The following AUTS2 variants were observed in gnomAD, a reference collection of about 807,000 sequenced individuals.
AUTS2 encodes the protein activator of transcription and developmental regulator AUTS2, also known as autism susceptibility gene 2 protein.
AUTS2 carries 17 observed loss-of-function variants against 112.4 expected under a neutral mutation model. The ratio of observed to expected loss-of-function variants is 0.15; its 90% CI spans 0.10 to 0.23. The LOEUF (loss-of-function observed/expected upper bound fraction) is 0.23. Ranked by LOEUF, AUTS2 falls within the 10% of genes least tolerant of loss-of-function variation. AUTS2 has a pLI of 1.00. For missense variants in AUTS2, 1,510 were observed against 1,701.6 expected (o/e 0.89, Z 1.98); for synonymous variants, 751 against 702.7 (o/e 1.07, Z -1.09).
intron 1 of AUTS2, among the ~76,000 whole-genome samples, chr7:69,874,565 G>T (rs973910956): frequency 1.3e-5 from 2 of 152,188 alleles, no homozygotes; most frequent in African/African-American, 4.8e-5. Flanking sequence ...CTGAATTAAG[G>T]TAGTAGCAGT....
At chr7:69,932,891 A>G (rs1318713349) in intron 2 of AUTS2, among the ~76,000 whole-genome samples, 3 of 152,238 alleles carry the variant, frequency 2.0e-5, no homozygotes, top group Non-Finnish European at 4.4e-5. Flanking sequence ...TGGGATGCAG[A>G]ATAGAAGCTT....
At chr7:70,625,131 C>A (rs1804870815) in intron 5 of AUTS2, among the ~76,000 whole-genome samples, 1 of 152,086 alleles carries the variant, frequency 6.6e-6, no homozygotes, top group Admixed American at 6.5e-5. Context: ...CAGCACTCAC[C>A]ACAGTAGCAA....
intron 4 of AUTS2, among the ~76,000 whole-genome samples, chr7:70,193,630 G>GCAA (rs1810019536): frequency 6.6e-6 from 1 of 152,198 alleles, no homozygotes; most frequent in African/African-American, 2.4e-5. Flanking sequence ...GATTTTTGCA[G>GCAA]CAACAAGACA....
In AUTS2 at chr7:70,791,018, G is replaced by C; in HGVS notation, c.*22G>C. Reference sequence around the variant, plus strand: ...ATAAGCCGAGAACAGGAGCAAGAACGAGGAAGAAGAAACCCTAGGCAGACA... The same window carrying C: ...ATAAGCCGAGAACAGGAGCAAGAACCAGGAAGAAGAAACCCTAGGCAGACA... On this transcript the variant is annotated 3_prime_UTR_variant, in exon 19 of 19. Coordinates refer to ENST00000342771, the MANE Select transcript of AUTS2 (RefSeq NM_015570.4). 1 of 1,476,152 alleles carries C rather than the reference G, an allele frequency of 6.8e-7. No individual in the cohort carries two copies. Among genetic ancestry groups the C allele is most frequent in the Non-Finnish European group, 9.0e-7 (1 of 1,116,820 alleles). 91.4% of individuals were successfully genotyped at this position (1,476,152 alleles called of 1,614,324 possible). A position where few individuals can be genotyped will look rare whatever the true frequency, so the allele number is the denominator to read the frequency against.
At chr7:70,267,940 G>A (rs1787515391) in intron 4 of AUTS2, among the ~76,000 whole-genome samples, 1 of 152,106 alleles carries the variant, frequency 6.6e-6, no homozygotes, top group South Asian at 2.1e-4. Flanking sequence ...TATTGCCTTG[G>A]TTATCTTTAA....
intron 1 of AUTS2, among the ~76,000 whole-genome samples, chr7:69,877,132 A>C (rs1291339117): frequency 1.3e-5 from 2 of 152,166 alleles, no homozygotes; most frequent in Admixed American, 6.5e-5. Flanking sequence ...TTGGTTTCAG[A>C]GAGCATCCTT....
chr7:70,203,174 T>A (rs1372687602), intron 4 of AUTS2, among the ~76,000 whole-genome samples: 5 of 111,592 alleles, frequency 4.5e-5, no homozygotes, highest in African/African-American at 1.8e-4. Flanking sequence ...AAGGGGAATA[T>A]CACACTCTGG....
At chr7:69,882,141 A>G (rs558428177) in intron 1 of AUTS2, among the ~76,000 whole-genome samples, 1 of 123,640 alleles carries the variant, frequency 8.1e-6, no homozygotes, top group African/African-American at 3.3e-5. Flanking sequence ...CAAGAGCGAA[A>G]CTCTGTCTCA....
chr7:70,158,701 C>CACGT (rs1807914789), intron 4 of AUTS2, among the ~76,000 whole-genome samples: 1 of 151,858 alleles, frequency 6.6e-6, no homozygotes, highest in African/African-American at 2.4e-5. Context: ...ACCTCTGGTG[C>CACGT]ACGTGATCCA....
chr7:70,750,279 G>A (rs1266732438), intron 6 of AUTS2, among the ~76,000 whole-genome samples: 3 of 152,070 alleles, frequency 2.0e-5, no homozygotes, highest in Non-Finnish European at 4.4e-5. Context: ...GTATGTGTGT[G>A]TAGGGCCAGA....
At chr7:70,090,380 T>C (rs1803849936) in intron 2 of AUTS2, among the ~76,000 whole-genome samples, 1 of 152,040 alleles carries the variant, frequency 6.6e-6, no homozygotes, top group South Asian at 2.1e-4. Flanking sequence ...TTTTTTTTTC[T>C]TGAGACGAAG....
chr7:70,186,588 G>A (rs1307948402), intron 4 of AUTS2, among the ~76,000 whole-genome samples: 1 of 151,970 alleles, frequency 6.6e-6, no homozygotes, highest in African/African-American at 2.4e-5. Context: ...TTAATTTTTT[G>A]AGATGGAGTC....
At chr7:69,872,252 G>T (rs1367356796) in intron 1 of AUTS2, among the ~76,000 whole-genome samples, 1 of 152,200 alleles carries the variant, frequency 6.6e-6, no homozygotes, top group Non-Finnish European at 1.5e-5. Flanking sequence ...TTCACACTGA[G>T]GAAAGCATGA....
At chr7:69,671,689 A>G (rs183725497) in intron 1 of AUTS2, among the ~76,000 whole-genome samples, 28 of 152,260 alleles carry the variant, frequency 1.8e-4, no homozygotes, top group Non-Finnish European at 8.8e-5. Context: ...TGAAGATGCT[A>G]TTGGTCCTTT....
At chr7:70,094,487 C>T (rs576708059) in intron 2 of AUTS2, among the ~76,000 whole-genome samples, 3 of 152,316 alleles carry the variant, frequency 2.0e-5, no homozygotes, top group South Asian at 4.1e-4. Flanking sequence ...AGTTAAAAAC[C>T]GGTCTGTGTC....
intron 4 of AUTS2, among the ~76,000 whole-genome samples, chr7:70,275,140 A>G (rs532628434): frequency 1.3e-5 from 2 of 152,304 alleles, no homozygotes; most frequent in East Asian, 3.9e-4. Flanking sequence ...GCCTCAAACT[A>G]TGGGGCTCAA....
At chr7:70,764,207 C>G (rs1332176780) in intron 7 of AUTS2, among the ~76,000 whole-genome samples, 1 of 152,084 alleles carries the variant, frequency 6.6e-6, no homozygotes, top group Non-Finnish European at 1.5e-5. Flanking sequence ...TCCTCCTTCC[C>G]CAAGGAGCCG....
At chr7:69,966,895 C>T (rs1222038650) in intron 2 of AUTS2, among the ~76,000 whole-genome samples, 3 of 151,942 alleles carry the variant, frequency 2.0e-5, no homozygotes, top group Admixed American at 6.6e-5. Context: ...GTCTATAAAG[C>T]GTCAATCATT....
At chr7:70,163,264 A>C (rs1027210717) in intron 4 of AUTS2, among the ~76,000 whole-genome samples, 5 of 147,726 alleles carry the variant, frequency 3.4e-5, no homozygotes, top group Admixed American at 6.8e-5. Context: ...TAAGTCTAGC[A>C]TGTAGAAACT....
Sources: gnomAD v4.1 joint callset for allele counts (sites outside exome capture counted in the v4.1 genomes callset) on GRCh38, gnomAD v4.1.1 for gene constraint, MANE v1.5 for transcripts, NCBI Gene and HGNC (gene_info 2026-07-23, HGNC 2026-07-21) for gene names.